The following HDAC9 variants were observed in gnomAD, a reference collection of about 807,000 sequenced individuals.
HDAC9 encodes MEF-2 interacting transcription repressor (MITR) protein.
A neutral mutation model predicts 139.4 loss-of-function variants in HDAC9; 41 were observed. The observed-to-expected ratio is 0.29, with a 90% CI of 0.23 to 0.38. The LOEUF (loss-of-function observed/expected upper bound fraction) is 0.38. Ranked by LOEUF, HDAC9 falls within the 10% of genes least tolerant of loss-of-function variation. The probability of loss-of-function intolerance (pLI) is 1.00; values close to 1 mark genes in which losing one functional copy is unlikely to be tolerated. For synonymous variants in HDAC9, 517 were observed against 476.2 expected, an observed-to-expected ratio of 1.09 and a Z score of -1.12; for missense variants, 1,147 against 1,297.0, an observed-to-expected ratio of 0.88 and a Z score of 1.78.
chr7:18,478,855 G>T (rs543197478), intron 1 of HDAC9, among the ~76,000 whole-genome samples: 1 of 152,036 alleles, frequency 6.6e-6, no homozygotes, highest in African/African-American at 2.4e-5. Context: ...TCTCATTTTG[G>T]CTTAATTTTC....
intron 2 of HDAC9, among the ~76,000 whole-genome samples, chr7:18,507,153 T>C (rs977706805): frequency 2.0e-5 from 3 of 146,434 alleles, no homozygotes; most frequent in African/African-American, 7.8e-5. Context: ...TATGCAGGTC[T>C]TCCAAATATT....
At chr7:18,870,798 C>A (rs890603937) in intron 21 of HDAC9, among the ~76,000 whole-genome samples, 1 of 152,088 alleles carries the variant, frequency 6.6e-6, no homozygotes, top group Non-Finnish European at 1.5e-5. Context: ...CTCAATCTCC[C>A]GAGTCATTGG....
intron 2 of HDAC9, among the ~76,000 whole-genome samples, chr7:18,284,491 A>G (rs984915586): frequency 6.6e-6 from 1 of 152,166 alleles, no homozygotes; most frequent in Non-Finnish European, 1.5e-5. Flanking sequence ...AACTTCAGAC[A>G]AGAAAAGTGT....
intron 1 of HDAC9, among the ~76,000 whole-genome samples, chr7:18,366,990 G>A (rs1458927326): frequency 6.6e-6 from 1 of 151,934 alleles, no homozygotes; most frequent in Non-Finnish European, 1.5e-5. Context: ...TTAATATGTA[G>A]CATTCACTAC....
At chr7:18,135,887 G>C (rs1178369) in intron 1 of HDAC9, among the ~76,000 whole-genome samples, 34,420 of 112,006 alleles carry the variant, frequency 0.31, 6,754 homozygotes, top group African/African-American at 0.54. Context: ...CACTGACTTC[G>C]ACAATGGTTG....
At chr7:18,689,302 A>G (rs1396797131) in intron 12 of HDAC9, among the ~76,000 whole-genome samples, 1 of 151,426 alleles carries the variant, frequency 6.6e-6, no homozygotes. Context: ...GGAGACAGAG[A>G]GAGATTTTAG....
At chr7:18,871,555 G>A (rs1214071618) in intron 21 of HDAC9, among the ~76,000 whole-genome samples, 2 of 152,046 alleles carry the variant, frequency 1.3e-5, no homozygotes, top group African/African-American at 4.8e-5. Context: ...TCTTTTCAGT[G>A]GGATATTGGA....
chr7:18,243,805 A>C (rs1794345099), intron 2 of HDAC9, among the ~76,000 whole-genome samples: 1 of 152,200 alleles, frequency 6.6e-6, no homozygotes, highest in Admixed American at 6.6e-5. Flanking sequence ...GATTACGTTA[A>C]GCTTCCGTGA....
At chr7:18,709,536 G>A (rs957824131) in intron 12 of HDAC9, among the ~76,000 whole-genome samples, 1 of 152,112 alleles carries the variant, frequency 6.6e-6, no homozygotes. Flanking sequence ...TTAAGAACTA[G>A]ATTAAAATTT....
chr7:18,368,651 A>G (rs533358634), intron 1 of HDAC9, among the ~76,000 whole-genome samples: 10 of 152,094 alleles, frequency 6.6e-5, no homozygotes, highest in Non-Finnish European at 1.0e-4. Context: ...TATGCTGATT[A>G]TAAGGATTAA....
At chr7:18,478,495 T>G (rs1310773059) in intron 1 of HDAC9, among the ~76,000 whole-genome samples, 1 of 152,208 alleles carries the variant, frequency 6.6e-6, no homozygotes, top group Non-Finnish European at 1.5e-5. Context: ...AAAATCAACT[T>G]TTATTTCAGA....
chr7:18,086,899 C>G (rs887829397), upstream of HDAC9: 8 of 144,862 alleles, frequency 5.5e-5, no homozygotes, highest in South Asian at 2.1e-4. Context: ...CCGAGCCCCC[C>G]CCGCGCGGCG....
intron 1 of HDAC9, among the ~76,000 whole-genome samples, chr7:18,304,549 C>T (rs753157989): frequency 4.6e-5 from 7 of 152,082 alleles, no homozygotes; most frequent in Non-Finnish European, 1.0e-4. Context: ...GCAGGGGACA[C>T]AGATGTATAG....
chr7:18,699,910 T>C (rs1783334898), intron 12 of HDAC9, among the ~76,000 whole-genome samples: 1 of 152,200 alleles, frequency 6.6e-6, no homozygotes, highest in South Asian at 2.1e-4. Context: ...TTTTAAAAAT[T>C]TGATTCATAT....
intron 25 of HDAC9, among the ~76,000 whole-genome samples, chr7:18,987,259 T>G (rs1005254327): frequency 2.0e-5 from 3 of 152,216 alleles, no homozygotes; most frequent in South Asian, 4.1e-4. Flanking sequence ...CCTAATTTAT[T>G]GGGAGTTTTT....
At chr7:18,300,579 A>G (rs1265728724) in intron 1 of HDAC9, among the ~76,000 whole-genome samples, 1 of 152,282 alleles carries the variant, frequency 6.6e-6, no homozygotes, top group East Asian at 1.9e-4. Context: ...TTTTATCACA[A>G]TAAAATTAAG....
intron 13 of HDAC9, among the ~76,000 whole-genome samples, chr7:18,740,983 A>C (rs966134312): frequency 1.6e-4 from 25 of 152,178 alleles, no homozygotes; most frequent in African/African-American, 6.0e-4. Context: ...ATGAGGGCTG[A>C]GAGAGGTGAG....
chr7:18,576,850 C>T (rs1251073090), intron 2 of HDAC9, among the ~76,000 whole-genome samples: 1 of 151,898 alleles, frequency 6.6e-6, no homozygotes, highest in Non-Finnish European at 1.5e-5. Context: ...ATGAGTTGCA[C>T]ATTTGGTGGA....
chr7:18,285,547 A>AT (rs1172964854), upstream of HDAC9, among the ~76,000 whole-genome samples: 3 of 152,000 alleles, frequency 2.0e-5, no homozygotes, highest in Non-Finnish European at 4.4e-5. Flanking sequence ...ATAGTGTGAC[A>AT]TTTTTTTCCC....
Sources: gnomAD v4.1 joint callset for allele counts (sites outside exome capture counted in the v4.1 genomes callset) on GRCh38, gnomAD v4.1.1 for gene constraint, MANE v1.5 for transcripts, NCBI Gene and HGNC (gene_info 2026-07-23, HGNC 2026-07-21) for gene names.